Variants in TBC1D5 observed in about 807,000 individuals in gnomAD.
TBC1D5 encodes the protein TBC1 domain family, member 5.
Under a neutral mutation model 100.3 loss-of-function variants are expected in TBC1D5, and 75 were observed. The ratio of observed to expected loss-of-function variants is 0.75; its 90% CI spans 0.62 to 0.91. The LOEUF (loss-of-function observed/expected upper bound fraction) is 0.91. Ranked by LOEUF, TBC1D5 falls within the 40% of genes least tolerant of loss-of-function variation. The probability of loss-of-function intolerance (pLI) is 0.00; values close to 1 mark genes in which losing one functional copy is unlikely to be tolerated. For missense variants in TBC1D5, 910 were observed against 942.4 expected, an observed-to-expected ratio of 0.97 and a Z score of 0.45; for synonymous variants, 323 against 325.6, an observed-to-expected ratio of 0.99 and a Z score of 0.09.
intron 3 of TBC1D5, among the ~76,000 whole-genome samples, chr3:17,489,875 T>A (rs1421862087): frequency 6.6e-6 from 1 of 152,228 alleles, no homozygotes; most frequent in Non-Finnish European, 1.5e-5. Context: ...ACATATACAG[T>A]AACGGGATAG....
chr3:17,554,967 A>G (rs973020888), intron 2 of TBC1D5, among the ~76,000 whole-genome samples: 2 of 151,600 alleles, frequency 1.3e-5, no homozygotes, highest in African/African-American at 4.9e-5. Flanking sequence ...CTCCTGCCTC[A>G]GCCTCCCAAG....
chr3:17,470,607 G>A (rs1227180072), intron 3 of TBC1D5, among the ~76,000 whole-genome samples: 3 of 152,100 alleles, frequency 2.0e-5, no homozygotes, highest in Non-Finnish European at 2.9e-5. Flanking sequence ...CTGCACTACT[G>A]TGAGAAATCT....
intron 2 of TBC1D5, among the ~76,000 whole-genome samples, chr3:17,571,626 CTG>C (rs2096627938): frequency 6.6e-6 from 1 of 152,018 alleles, no homozygotes; most frequent in Non-Finnish European, 1.5e-5. Context: ...CTCTCTTTCT[CTG>C]TGTTAATCAA....
intron 1 of TBC1D5, among the ~76,000 whole-genome samples, chr3:17,631,839 C>CT (rs2063528989): frequency 6.6e-6 from 1 of 152,216 alleles, no homozygotes; most frequent in Non-Finnish European, 1.5e-5. Flanking sequence ...CAAAATACTG[C>CT]TGCTCATTGA....
At chr3:17,483,933 T>C (rs2095529602) in intron 3 of TBC1D5, among the ~76,000 whole-genome samples, 1 of 152,216 alleles carries the variant, frequency 6.6e-6, no homozygotes, top group African/African-American at 2.4e-5. Context: ...AAATTGGCTA[T>C]TAAATACAGC....
At chr3:17,732,074 T>C (rs1339804019) in intron 1 of TBC1D5, among the ~76,000 whole-genome samples, 1 of 152,046 alleles carries the variant, frequency 6.6e-6, no homozygotes, top group Non-Finnish European at 1.5e-5. Context: ...TCCCAGCACT[T>C]TGGGAGGCCG....
At position 17,370,180 on chromosome 3, in the gene TBC1D5, C is replaced by A. The variant is rs2092383077; in HGVS notation, c.995+1895G>T. On this transcript the variant is annotated intron_variant, in intron 13 of 21. Coordinates refer to ENST00000253692, the Ensembl canonical transcript of TBC1D5. ...AACACTCTGGTTATAAATTATTGCA[C>A]CCAAGCCCACGCCATCACCACTGCA... Among the ~76,000 whole-genome samples, 2 of 152,138 alleles carry A rather than the reference C, an allele frequency of 1.3e-5. 1 individual carries two copies. Among genetic ancestry groups the A allele is most frequent in the South Asian group, 4.2e-4 (2 of 4,816 alleles).
intron 1 of TBC1D5, among the ~76,000 whole-genome samples, chr3:17,690,204 ATTTTTTTTTTTTT>A (rs1199260338): frequency 2.1e-5 from 1 of 47,030 alleles, no homozygotes; most frequent in Non-Finnish European, 4.0e-5. Context: ...AAATAGCCAT[ATTTTTTTTTTTTT>A]TTTTTTTTTT....
At chr3:17,219,099 T>TA (rs926141410) in intron 17 of TBC1D5, among the ~76,000 whole-genome samples, 2 of 151,526 alleles carry the variant, frequency 1.3e-5, no homozygotes, top group Admixed American at 6.6e-5. Flanking sequence ...TTTTTTTTTT[T>TA]ATTCTTTGTC....
intron 3 of TBC1D5, among the ~76,000 whole-genome samples, chr3:17,474,473 A>T (rs548191336): frequency 9.9e-5 from 15 of 152,266 alleles, no homozygotes; most frequent in African/African-American, 2.6e-4. Flanking sequence ...AGGTATGAAC[A>T]TTAGCAATAT....
Position 17,509,856 on chromosome 3 carries a change from A to C in TBC1D5, c.-35-1251T>G, listed in dbSNP as rs560859502. On this transcript the variant is annotated intron_variant, in intron 2 of 21. Transcript: ENST00000253692. ...ACCTACATTTCCTTTGGTCGTTTTGAAAGTTTTCCCTCTCAATTCTCACTT... is the reference window on the plus strand; with the variant it reads ...ACCTACATTTCCTTTGGTCGTTTTGCAAGTTTTCCCTCTCAATTCTCACTT... 2.6e-5 allele frequency among the ~76,000 whole-genome samples: 4 copies of C among 152,116 alleles called. No individual in the cohort carries two copies. The South Asian group carries it at 8.3e-4, about 32-fold the overall frequency.
At chr3:17,423,685 AT>A (rs2094271948) in intron 4 of TBC1D5, among the ~76,000 whole-genome samples, 2 of 134,410 alleles carry the variant, frequency 1.5e-5, no homozygotes, top group African/African-American at 6.8e-5. Context: ...AAATAATGTC[AT>A]GTGAAATTAA....
chr3:17,673,162 C>G (rs1335727885), intron 1 of TBC1D5, among the ~76,000 whole-genome samples: 1 of 151,998 alleles, frequency 6.6e-6, no homozygotes, highest in Admixed American at 6.6e-5. Context: ...AGTAATAATA[C>G]AAAAACAGGA....
At chr3:17,637,558 A>G (rs2064081025) in intron 1 of TBC1D5, among the ~76,000 whole-genome samples, 1 of 152,092 alleles carries the variant, frequency 6.6e-6, no homozygotes, top group Admixed American at 6.6e-5. Context: ...TAATATAAAA[A>G]GACTTTCTAC....
chr3:17,737,745 CTCTTG>C (rs2077067655), intron 1 of TBC1D5, among the ~76,000 whole-genome samples: 1 of 151,790 alleles, frequency 6.6e-6, no homozygotes, highest in African/African-American at 2.4e-5. Context: ...AAGGTAAACA[CTCTTG>C]TCTTAACAAA....
intron 8 of TBC1D5, among the ~76,000 whole-genome samples, chr3:17,389,965 T>G (rs541134605): frequency 6.6e-6 from 1 of 152,246 alleles, no homozygotes; most frequent in East Asian, 1.9e-4. Context: ...AAATCCTTCA[T>G]CAATTTTTAG....
intron 2 of TBC1D5, among the ~76,000 whole-genome samples, chr3:17,606,595 T>C (rs1462914534): frequency 6.6e-6 from 1 of 152,100 alleles, no homozygotes; most frequent in Non-Finnish European, 1.5e-5. Context: ...AATATATAAA[T>C]AAAAATTAGC....
At position 17,381,518 on chromosome 3, in the gene TBC1D5, TA is replaced by T. The variant is rs1276206839; in HGVS notation, c.612+2394del. On this transcript the variant is annotated intron_variant, in intron 9 of 21. Transcript: ENST00000253692. ...AAAAACAAAATCCTGGAATCTGTGA[TA>T]AAGATTTTAAGCTAATGAACTAATG... Among the ~76,000 whole-genome samples the T allele has an allele frequency of 1.7e-4, 26 of 152,218 alleles. No individual in the cohort carries two copies. The East Asian group carries it at 5.0e-3, about 29-fold the overall frequency.
chr3:17,548,490 A>C (rs2096440777), intron 2 of TBC1D5, among the ~76,000 whole-genome samples: 1 of 152,126 alleles, frequency 6.6e-6, no homozygotes, highest in Non-Finnish European at 1.5e-5. Flanking sequence ...GGAAAAAAAA[A>C]CCTTTGTGCA....
Sources: allele counts gnomAD v4.1 joint callset (sites outside exome capture counted in the v4.1 genomes callset), GRCh38; gene constraint gnomAD v4.1.1; transcripts MANE v1.5; gene names NCBI Gene and HGNC (gene_info 2026-07-23, HGNC 2026-07-21).